The following SH3BP1 variants were observed in gnomAD, a reference collection of about 807,000 sequenced individuals.
SH3BP1 encodes SH3 domain-binding protein 1.
In SH3BP1, 46 loss-of-function variants were observed where a neutral mutation model predicts 69.8. The observed-to-expected ratio is 0.66, with a 90% CI of 0.52 to 0.84. The LOEUF is 0.84. Ranked by LOEUF, SH3BP1 falls within the 40% of genes least tolerant of loss-of-function variation. The probability of loss-of-function intolerance (pLI) is 0.00; values close to 1 mark genes in which losing one functional copy is unlikely to be tolerated. For missense variants in SH3BP1, 868 were observed against 930.9 expected, an observed-to-expected ratio of 0.93 and a Z score of 0.88; for synonymous variants, 403 against 378.0, an observed-to-expected ratio of 1.07 and a Z score of -0.77.
Position 37,644,886 on chromosome 22 carries a change from C to T in SH3BP1, c.704C>T (p.Ala235Val). 6.2e-7 allele frequency: 1 copy of T among 1,614,028 alleles called. No homozygotes were observed. The highest frequency in any genetic ancestry group is 2.2e-5 in the East Asian group (1 of 44,872). The change falls in exon 9 of 18, where the codon GCC becomes GTC. Residue 235 changes from alanine (A) to valine (V), a missense_variant. Around this residue, in one of 3 missense-constraint regions of SH3BP1, gnomAD observed 387 missense variants for 447.9 expected, o/e 0.86. Transcript: ENST00000649765. The stretch of plus-strand genomic sequence containing the variant: ...TCCCCACAGCTCCTGGAGATTCAGG[C>T]CGATTACCATCGCAGGTCACTGAGC... ...NYFIRLLEIQADYHRRSLSSL... is the reference protein window; with the variant it reads ...NYFIRLLEIQVDYHRRSLSSL...
intron 9 of SH3BP1, 137 bp downstream of exon 9, chr22:37,645,097 G>T: frequency 1.1e-6 from 1 of 890,792 alleles, no homozygotes; most frequent in South Asian, 1.6e-5. Context: ...CTGTGATGGA[G>T]AGGCAGCTCT....
intron 13 of SH3BP1, 53 bp from the exon 14 acceptor site, chr22:37,648,266 T>C (rs750797809): frequency 2.1e-5 from 26 of 1,264,700 alleles, no homozygotes; most frequent in South Asian, 2.5e-5. Flanking sequence ...GGCTGGAGAA[T>C]TCTCAGGGCT....
chr22:37,646,106 A>T (rs1307062048), intron 10 of SH3BP1, among the ~76,000 whole-genome samples: 1 of 150,766 alleles, frequency 6.6e-6, no homozygotes, highest in Non-Finnish European at 1.5e-5. Context: ...AGCTGGGACT[A>T]CAGGCATGCA....
chr22:37,647,147 C>T, intron 11 of SH3BP1, 120 bp from the exon 12 acceptor site: 1 of 931,108 alleles, frequency 1.1e-6, no homozygotes. Context: ...GGGCCTACAG[C>T]CCAAAGAAAC....
At chr22:37,653,428 T>G (rs1010122295) in intron 16 of SH3BP1, among the ~76,000 whole-genome samples, 4 of 151,774 alleles carry the variant, frequency 2.6e-5, no homozygotes, top group Non-Finnish European at 5.9e-5. Context: ...AGAGTGAGAC[T>G]CCATCTCAAG....
At chr22:37,643,199 G>A (rs1276515809) in intron 6 of SH3BP1, 25 bp downstream of exon 6, 1 of 1,587,324 alleles carries the variant, frequency 6.3e-7, no homozygotes, top group Non-Finnish European at 8.6e-7. Flanking sequence ...CGCTCAGGGG[G>A]CTCATATCTG....
intron 16 of SH3BP1, among the ~76,000 whole-genome samples, chr22:37,652,092 G>T (rs962812923): frequency 2.0e-5 from 3 of 150,630 alleles, no homozygotes; most frequent in Non-Finnish European, 4.4e-5. Context: ...TTGGGAGGCC[G>T]AGGCAGGCGA....
chr22:37,641,100 C>A (rs1282197755), intron 1 of SH3BP1, 26 bp from the exon 2 acceptor site: 26 of 379,766 alleles, frequency 6.8e-5, no homozygotes, highest in Non-Finnish European at 1.0e-5. Flanking sequence ...AAGCACTCTC[C>A]CCCCCCCCCC....
intron 17 of SH3BP1, among the ~76,000 whole-genome samples, chr22:37,654,845 T>C (rs73422774): frequency 0.016 from 2,399 of 151,720 alleles, 68 homozygotes; most frequent in African/African-American, 0.056. Context: ...GACAGTGGCT[T>C]ACACCTGTCA....
intron 5 of SH3BP1, 23 bp downstream of exon 5, chr22:37,643,029 G>GC (rs768064149): frequency 6.2e-7 from 1 of 1,610,670 alleles, no homozygotes; most frequent in Admixed American, 1.7e-5. Flanking sequence ...CCTGCTTTCA[G>GC]CCCCCAGCTT....
Position 37,643,611 on chromosome 22 carries a change from C to T in SH3BP1, c.474-33C>T, listed in dbSNP as rs201439733. On this transcript the variant is annotated intron_variant, in intron 6 of 17. Transcript: ENST00000649765. ...ACTTGGCTCTGGACATGCAACAGGG[C>T]AGGTGACCAGCTCACCTTGGGATCA... The T allele has an allele frequency of 1.6e-4, 256 of 1,613,730 alleles. 3 individuals carry two copies. The Admixed American group carries it at 4.1e-3, about 26-fold the overall frequency.
chr22:37,646,738 C>G (rs1001779724), intron 10 of SH3BP1, 80 bp from the exon 11 acceptor site: 3 of 821,868 alleles, frequency 3.7e-6, no homozygotes, highest in Non-Finnish European at 5.4e-6. Context: ...GCCAGTGGCA[C>G]ACCCCAGGCT....
At chr22:37,644,529 C>A in intron 7 of SH3BP1, 108 bp from the exon 8 acceptor site, 1 of 1,067,830 alleles carries the variant, frequency 9.4e-7, no homozygotes, top group Middle Eastern at 2.2e-4. Flanking sequence ...GGACCTTCCA[C>A]CTGCAGTTGT....
At chr22:37,641,584 C>T (rs918022407) in intron 3 of SH3BP1, 106 bp downstream of exon 3, 19 of 940,184 alleles carry the variant, frequency 2.0e-5, no homozygotes, top group Non-Finnish European at 2.6e-5. Flanking sequence ...TGTCTGGCAC[C>T]AAGGGCATGG....
In SH3BP1 at chr22:37,655,488, G is replaced by A. The variant is rs1203550633; in HGVS notation, c.1910G>A (p.Arg637His). Residue 637 changes from arginine to histidine, a missense_variant, in exon 18 of 18, where the codon CGT becomes CAT. By Grantham distance (29) the Arg-to-His change is conservative (BLOSUM62 0). Transcript: ENST00000649765. ...PPQPARRQSRRSPASPSPASP... is the reference protein window; with the variant it reads ...PPQPARRQSRHSPASPSPASP... ...CAGCCTGCCCGGCGCCAAAGCCGGCGTTCACCAGCCTCCCCCAGCCCGGCC... is the reference window on the plus strand; with the variant it reads ...CAGCCTGCCCGGCGCCAAAGCCGGCATTCACCAGCCTCCCCCAGCCCGGCC... 19 of 1,516,914 alleles carry A rather than the reference G, an allele frequency of 1.3e-5. No homozygotes were observed. The highest frequency in any genetic ancestry group is 6.2e-5 in the South Asian group (5 of 80,468). The allele number at this position is 1,516,914 out of a possible 1,614,324, so 94.0% of individuals were successfully genotyped here. A position where few individuals can be genotyped will look rare whatever the true frequency, so the allele number is the denominator to read the frequency against.
rs1569003865 is a variant in SH3BP1 at position 37,639,715 on chromosome 22, G to A, written c.-73G>A. On this transcript the variant is annotated 5_prime_UTR_variant, in exon 1 of 18. Coordinates refer to ENST00000649765, the MANE Select transcript of SH3BP1 (RefSeq NM_018957.6). ...GGGGCAAGAGCCGCGCCGCAGGAGA[G>A]GCAGGCTGGACCGGGGGCTCCCCGG... is the stretch of plus-strand genomic sequence containing the variant. 2.1e-6 allele frequency: 2 copies of A among 963,646 alleles called. No homozygotes were observed. The highest frequency in any genetic ancestry group is 3.3e-5 in the Admixed American group (1 of 30,308). 59.7% of individuals were successfully genotyped at this position (963,646 alleles called of 1,614,324 possible).
At chr22:37,641,975 TGTCCAAG>T (rs1932613287) in intron 3 of SH3BP1, 1 of 174,586 alleles carries the variant, frequency 5.7e-6, no homozygotes, top group South Asian at 1.2e-4. Context: ...TAAAGTCACT[TGTCCAAG>T]GTCACATAGC....
In SH3BP1 at chr22:37,655,324, C is replaced by A; in HGVS notation, c.1746C>A (p.Gly582=). The A allele has an allele frequency of 2.0e-6, 3 of 1,519,104 alleles. No homozygotes were observed. Among genetic ancestry groups the A allele is most frequent in the Non-Finnish European group, 2.6e-6 (3 of 1,133,512 alleles). The allele number at this position is 1,519,104 out of a possible 1,614,324, so 94.1% of individuals were successfully genotyped here. Residue 582 remains glycine, a synonymous_variant, in exon 18 of 18, where the codon GGC becomes GGA. Coordinates refer to ENST00000649765, the MANE Select transcript of SH3BP1 (RefSeq NM_018957.6). ...CCATGCCGCCCCCCCAGGTCTCCGGCTCCCGCTCCTCCCCTCCAGCCCCGC... is the reference window on the plus strand; with the variant it reads ...CCATGCCGCCCCCCCAGGTCTCCGGATCCCGCTCCTCCCCTCCAGCCCCGC... The part of the protein sequence containing the change: ...RPTMPPPQVS[G]SRSSPPAPPL...
At position 37,653,817 on chromosome 22, in the gene SH3BP1, A is replaced by C. The variant is rs762695862; in HGVS notation, c.1637A>C (p.Lys546Thr). Residue 546 changes from lysine (K) to threonine (T), a missense_variant, in exon 17 of 18, where the codon AAG (lysine) becomes ACG (threonine). Coordinates refer to ENST00000649765, the MANE Select transcript of SH3BP1 (RefSeq NM_018957.6). ...GTGCCTCCCAGACCAGCCTCCCCCAAGGTCACCAGGAGTCCCCCGGAGACA... is the reference window on the plus strand; with the variant it reads ...GTGCCTCCCAGACCAGCCTCCCCCACGGTCACCAGGAGTCCCCCGGAGACA... ...SEVPPRPASP[K>T]VTRSPPETAA... is the part of the protein sequence containing the mutation. 1.2e-6 allele frequency: 2 copies of C among 1,604,622 alleles called. No individual in the cohort carries two copies. The highest frequency in any genetic ancestry group is 1.7e-6 in the Non-Finnish European group (2 of 1,174,218).
Sources: allele counts gnomAD v4.1 joint callset (sites outside exome capture counted in the v4.1 genomes callset), GRCh38; gene constraint gnomAD v4.1.1; regional missense constraint gnomAD v4.1.1; transcripts MANE v1.5; gene names NCBI Gene and HGNC (gene_info 2026-07-23, HGNC 2026-07-21).